ACOXL: variants seen among roughly 807,000 people sequenced by gnomAD.
ACOXL encodes acyl-coenzyme A oxidase-like protein.
Under a neutral mutation model 71.9 loss-of-function variants are expected in ACOXL, and 70 were observed. That is an observed-to-expected ratio of 0.97 (90% confidence interval 0.80 to 1.19). The LOEUF (loss-of-function observed/expected upper bound fraction) is 1.19. ACOXL is among the 50% of genes most tolerant of loss of function. The probability of loss-of-function intolerance (pLI) is 0.00; values close to 1 mark genes in which losing one functional copy is unlikely to be tolerated. For missense variants in ACOXL, 703 were observed against 736.3 expected, an observed-to-expected ratio of 0.95 and a Z score of 0.52; for synonymous variants, 253 against 281.6, an observed-to-expected ratio of 0.90 and a Z score of 1.02.
intron 1 of ACOXL, among the ~76,000 whole-genome samples, chr2:110,761,366 C>T (rs1348969127): frequency 6.6e-6 from 1 of 152,158 alleles, no homozygotes; most frequent in East Asian, 1.9e-4. Flanking sequence ...TTAATATCAA[C>T]TCCCAATTGA....
chr2:110,911,857 G>A (rs1253503793), intron 11 of ACOXL, among the ~76,000 whole-genome samples: 1 of 152,032 alleles, frequency 6.6e-6, no homozygotes, highest in Non-Finnish European at 1.5e-5. Context: ...TGAGGTTCTA[G>A]TCAAGACAAT....
chr2:111,046,442 A>G (rs750290618), intron 15 of ACOXL, among the ~76,000 whole-genome samples: 3 of 152,224 alleles, frequency 2.0e-5, no homozygotes, highest in Non-Finnish European at 2.9e-5. Flanking sequence ...AGACTGGGTA[A>G]TTTATGAAGG....
intron 16 of ACOXL, among the ~76,000 whole-genome samples, chr2:111,073,880 C>T (rs946214059): frequency 4.6e-5 from 7 of 152,054 alleles, no homozygotes; most frequent in South Asian, 4.1e-4. Context: ...TTGACTCTTC[C>T]GATCCATTTT....
At chr2:110,903,630 AC>A (rs1382510563) in intron 10 of ACOXL, among the ~76,000 whole-genome samples, 1 of 152,238 alleles carries the variant, frequency 6.6e-6, no homozygotes, top group East Asian at 1.9e-4. Context: ...GAAAATAGTA[AC>A]CCAGTGGAGG....
At chr2:110,976,581 A>G (rs2062455615) in intron 12 of ACOXL, among the ~76,000 whole-genome samples, 1 of 152,250 alleles carries the variant, frequency 6.6e-6, no homozygotes, top group Non-Finnish European at 1.5e-5. Context: ...CATTCAAGAA[A>G]TGAAGAATTT....
chr2:111,060,174 C>T (rs908314943), intron 16 of ACOXL, among the ~76,000 whole-genome samples: 2 of 152,180 alleles, frequency 1.3e-5, no homozygotes, highest in African/African-American at 2.4e-5. Context: ...CCTTCCCCTC[C>T]TGCCTCACTA....
At chr2:110,974,124 A>T (rs2062338394) in intron 12 of ACOXL, among the ~76,000 whole-genome samples, 1 of 152,082 alleles carries the variant, frequency 6.6e-6, no homozygotes. Flanking sequence ...TGTGTGTTGG[A>T]ATCTCCCCAT....
intron 14 of ACOXL, among the ~76,000 whole-genome samples, chr2:111,019,902 C>A (rs747802610): frequency 6.6e-6 from 1 of 152,172 alleles, no homozygotes; most frequent in Non-Finnish European, 1.5e-5. Context: ...CCGCTATCAC[C>A]CAGGCTGGAG....
intron 12 of ACOXL, among the ~76,000 whole-genome samples, chr2:110,969,224 A>T (rs2062069348): frequency 6.6e-6 from 1 of 152,206 alleles, no homozygotes; most frequent in Non-Finnish European, 1.5e-5. Context: ...AAAAGAGGAA[A>T]GGTCTCAACT....
chr2:111,118,374 G>GT lies in ACOXL; in HGVS notation c.*559dup, dbSNP rs2070491727. ...GAAACGCACGGACTGGGAGAAGGAA[G>GT]TGGGAGCCTAGAGTTTTGCTCTCGG... On this transcript the variant is annotated 3_prime_UTR_variant, in exon 18 of 18. Coordinates refer to ENST00000439055, the MANE Select transcript of ACOXL (RefSeq NM_001142807.4). Among the ~76,000 whole-genome samples, 1 of 152,244 alleles carries GT rather than the reference G, an allele frequency of 6.6e-6. No individual in the cohort carries two copies. Among genetic ancestry groups the GT allele is most frequent in the South Asian group, 2.1e-4 (1 of 4,834 alleles).
intron 1 of ACOXL, among the ~76,000 whole-genome samples, chr2:110,733,786 G>T (rs529572708): frequency 6.6e-6 from 1 of 152,112 alleles, no homozygotes; most frequent in African/African-American, 2.4e-5. Flanking sequence ...GTGTCTCGCC[G>T]ACTTCTCTTT....
At chr2:110,845,600 C>T (rs940158402) in intron 10 of ACOXL, among the ~76,000 whole-genome samples, 1 of 152,244 alleles carries the variant, frequency 6.6e-6, no homozygotes, top group Non-Finnish European at 1.5e-5. Context: ...CTCAACTCCT[C>T]TTCACTTCCT....
chr2:111,061,790 T>C (rs1295101689), intron 16 of ACOXL, among the ~76,000 whole-genome samples: 1 of 152,116 alleles, frequency 6.6e-6, no homozygotes, highest in African/African-American at 2.4e-5. Flanking sequence ...TGAAAAGTTA[T>C]ATATACAAAA....
At chr2:111,066,137 T>A (rs1478066857) in intron 16 of ACOXL, among the ~76,000 whole-genome samples, 1 of 152,240 alleles carries the variant, frequency 6.6e-6, no homozygotes, top group Admixed American at 6.5e-5. Flanking sequence ...CCAATTTTCC[T>A]TTAATGGGTA....
At chr2:110,856,575 T>C (rs1466162703) in intron 10 of ACOXL, among the ~76,000 whole-genome samples, 1 of 151,744 alleles carries the variant, frequency 6.6e-6, no homozygotes, top group Non-Finnish European at 1.5e-5. Context: ...AAAGAAGGAG[T>C]CTTCTACCTG....
chr2:111,114,516 G>A (rs1294219962), intron 17 of ACOXL, among the ~76,000 whole-genome samples: 1 of 152,092 alleles, frequency 6.6e-6, no homozygotes, highest in Non-Finnish European at 1.5e-5. Flanking sequence ...GTTTGGGTAA[G>A]GGATTTTTCA....
chr2:110,735,135 A>G (rs1676671763), intron 1 of ACOXL, among the ~76,000 whole-genome samples: 1 of 152,114 alleles, frequency 6.6e-6, no homozygotes, highest in African/African-American at 2.4e-5. Flanking sequence ...ACAACATTTC[A>G]TATTTTTTCC....
intron 3 of ACOXL, among the ~76,000 whole-genome samples, chr2:110,790,370 C>T (rs1031341488): frequency 9.9e-5 from 15 of 152,190 alleles, no homozygotes; most frequent in Admixed American, 9.2e-4. Context: ...GTCCCTGTGA[C>T]CTGTCCTGGC....
rs1055368632 is a variant in ACOXL, at chr2:110,825,295, T to A, written c.754-16076T>A. ...CACTTATACTGAACTAGTTTTCAAC[T>A]GTGTCCTGCTTTCAGGGCAAAAATC... On this transcript the variant is annotated intron_variant, in intron 9 of 17. Transcript: ENST00000439055. Among the ~76,000 whole-genome samples the A allele has an allele frequency of 5.9e-5, 9 of 152,292 alleles. 1 individual carries two copies. The East Asian group carries it at 1.7e-3, about 29-fold the overall frequency.
Sources: gnomAD v4.1 joint callset for allele counts (sites outside exome capture counted in the v4.1 genomes callset) on GRCh38, gnomAD v4.1.1 for gene constraint, MANE v1.5 for transcripts, NCBI Gene and HGNC (gene_info 2026-07-23, HGNC 2026-07-21) for gene names.